The following MYO5B variants were observed in gnomAD, a reference collection of about 807,000 sequenced individuals.
The protein encoded by MYO5B is unconventional myosin-Vb.
Under a neutral mutation model 229.3 loss-of-function variants are expected in MYO5B, and 143 were observed. The observed-to-expected ratio is 0.62, with a 90% CI of 0.54 to 0.72. MYO5B has a LOEUF of 0.72. MYO5B is among the 30% of genes least tolerant of loss of function. The pLI, the probability that MYO5B is intolerant of heterozygous loss-of-function variation, is 0.00. For synonymous variants in MYO5B, 918 were observed against 885.2 expected (o/e 1.04, Z -0.66); for missense variants, 2,321 against 2,331.0 (o/e 1.00, Z 0.09).
chr18:50,099,039 G>A (rs917560843), intron 1 of MYO5B: 1 of 152,790 alleles, frequency 6.5e-6, no homozygotes, highest in Non-Finnish European at 1.5e-5. Context: ...AGAGCTGAAT[G>A]AGTCTCAGCA....
Position 50,122,596 on chromosome 18 carries a change from G to T in MYO5B, c.28-67218C>A, listed in dbSNP as rs535400081. 1.7e-3 allele frequency among the ~76,000 whole-genome samples: 129 copies of T among 74,094 alleles called. 1 individual carries two copies. Among genetic ancestry groups the T allele is most frequent in the Non-Finnish European group, 1.4e-3 (48 of 33,364 alleles). The allele number at this position is 74,094 out of a possible 152,430, so 48.6% of individuals were successfully genotyped here. A position where few individuals can be genotyped will look rare whatever the true frequency, so the allele number is the denominator to read the frequency against. On this transcript the variant is annotated intron_variant, in intron 1 of 39. Transcript: ENST00000285039. ...GGAGAGGGAGAGAGGAAGAGAGGGG[G>T]AGAGAGAGAGAAAGAGAGGGAGGGA...
chr18:49,856,956 C>A, intron 29 of MYO5B, 66 bp from the exon 30 acceptor site: 1 of 1,372,244 alleles, frequency 7.3e-7, no homozygotes. Context: ...GGCAGGGAGT[C>A]CTGGAAAGTG....
intron 2 of MYO5B, among the ~76,000 whole-genome samples, chr18:50,051,879 G>A (rs2030403149): frequency 6.6e-6 from 1 of 152,322 alleles, no homozygotes; most frequent in African/African-American, 2.4e-5. Context: ...GGAGAGAAGA[G>A]ATTGGGAAGT....
chr18:49,985,051 T>G (rs2025856584), intron 7 of MYO5B, among the ~76,000 whole-genome samples: 1 of 152,178 alleles, frequency 6.6e-6, no homozygotes, highest in African/African-American at 2.4e-5. Context: ...GCTGCTGTAT[T>G]TATGTAAAAC....
intron 22 of MYO5B, among the ~76,000 whole-genome samples, chr18:49,893,895 G>A (rs11873528): frequency 0.03 from 4,531 of 152,344 alleles, 228 homozygotes; most frequent in African/African-American, 0.1. Context: ...GGACTCCCAC[G>A]TAGGGCCAAG....
intron 1 of MYO5B, among the ~76,000 whole-genome samples, chr18:50,157,405 C>G (rs982585793): frequency 6.6e-6 from 1 of 152,182 alleles, no homozygotes; most frequent in Non-Finnish European, 1.5e-5. Flanking sequence ...ATTCTAACCA[C>G]CAAAATATCC....
chr18:49,975,316 T>A (rs2025738270), intron 9 of MYO5B, among the ~76,000 whole-genome samples: 1 of 152,162 alleles, frequency 6.6e-6, no homozygotes, highest in Non-Finnish European at 1.5e-5. Context: ...ATGGGCCAGA[T>A]CAATGATTCT....
In MYO5B at chr18:49,896,061, G is replaced by A. The variant is rs146400957; in HGVS notation, c.2812-887C>T. 3.2e-3 allele frequency among the ~76,000 whole-genome samples: 482 copies of A among 152,206 alleles called. 4 individuals carry two copies. Among genetic ancestry groups the A allele is most frequent in the African/African-American group, 9.8e-3 (405 of 41,524 alleles). On this transcript the variant is annotated intron_variant, in intron 21 of 39. Transcript: ENST00000285039. ...GAGCGCCAGGCAGAACAGAGCTAGC[G>A]GCCAAATCACCGATAAGCTGGAGCA...
intron 1 of MYO5B, among the ~76,000 whole-genome samples, chr18:50,077,502 A>AAC (rs60086500): frequency 0.098 from 13,053 of 133,432 alleles, 732 homozygotes; most frequent in East Asian, 0.17. Flanking sequence ...CACACACACA[A>AAC]ACACACACAC....
chr18:50,007,569 G>A (rs1598948329), intron 4 of MYO5B, among the ~76,000 whole-genome samples: 1 of 152,138 alleles, frequency 6.6e-6, no homozygotes, highest in East Asian at 1.9e-4. Context: ...AAGGCCCTGG[G>A]GGACCGAGCA....
At chr18:50,022,094 C>T (rs1317786734) in intron 4 of MYO5B, among the ~76,000 whole-genome samples, 1 of 151,954 alleles carries the variant, frequency 6.6e-6, no homozygotes, top group Non-Finnish European at 1.5e-5. Context: ...CCCTCCCTCC[C>T]TCCCCACCAT....
At chr18:49,929,848 T>C (rs2025170535) in intron 16 of MYO5B, among the ~76,000 whole-genome samples, 1 of 152,128 alleles carries the variant, frequency 6.6e-6, no homozygotes, top group Admixed American at 6.5e-5. Context: ...ATTCTCATTA[T>C]CACCTGGGAT....
chr18:49,994,605 G>C (rs2025967469), intron 5 of MYO5B, among the ~76,000 whole-genome samples: 1 of 152,224 alleles, frequency 6.6e-6, no homozygotes, highest in Non-Finnish European at 1.5e-5. Flanking sequence ...GACAAGGCTA[G>C]AGCCCGGCCA....
intron 4 of MYO5B, among the ~76,000 whole-genome samples, chr18:50,035,639 A>G (rs1281276522): frequency 2.0e-5 from 3 of 152,244 alleles, no homozygotes; most frequent in Admixed American, 1.3e-4. Flanking sequence ...AGAGGTACAC[A>G]TCAATGAGTT....
chr18:50,023,689 C>A (rs2026300934), intron 4 of MYO5B, among the ~76,000 whole-genome samples: 1 of 152,132 alleles, frequency 6.6e-6, no homozygotes, highest in Non-Finnish European at 1.5e-5. Context: ...GACTAAAAGA[C>A]CATTCCCAGA....
At chr18:49,873,638 G>A (rs1206666365) in intron 26 of MYO5B, among the ~76,000 whole-genome samples, 5 of 152,222 alleles carry the variant, frequency 3.3e-5, no homozygotes, top group Admixed American at 2.0e-4. Context: ...ATGTAGCATG[G>A]ATTTGCCATG....
intron 4 of MYO5B, among the ~76,000 whole-genome samples, chr18:50,004,237 G>T (rs2026077383): frequency 6.6e-6 from 1 of 152,172 alleles, no homozygotes; most frequent in East Asian, 1.9e-4. Flanking sequence ...AATTCAAAAA[G>T]AAGGAATCAA....
chr18:50,115,266 CCACAAGGTCCTCTCCCCTACTCTT>C lies in MYO5B; in HGVS notation c.28-59912_28-59889del, dbSNP rs200653943. Among the ~76,000 whole-genome samples the C allele has an allele frequency of 1.5e-4, 23 of 152,320 alleles. No individual in the cohort carries two copies. The East Asian group carries it at 4.3e-3, about 28-fold the overall frequency. On this transcript the variant is annotated intron_variant, in intron 1 of 39. Coordinates refer to ENST00000285039, the MANE Select transcript of MYO5B (RefSeq NM_001080467.3). Reference sequence around the variant, plus strand: ...AGCATGTCTTAGCTCTTCAAACACACCACAAGGTCCTCTCCCCTACTCTTCACAATACTCAGACAGCAGTGAGCC... The same window carrying C: ...AGCATGTCTTAGCTCTTCAAACACACCACAATACTCAGACAGCAGTGAGCC...
At chr18:49,879,561 C>T (rs1237302) in intron 23 of MYO5B, 129,100 of 211,252 alleles carry the variant, frequency 0.61, 39,658 homozygotes, top group Middle Eastern at 0.66. Context: ...TTCACATTAA[C>T]GGACAGAAAA....
Sources: gnomAD v4.1 joint callset for allele counts (sites outside exome capture counted in the v4.1 genomes callset) on GRCh38, gnomAD v4.1.1 for gene constraint, MANE v1.5 for transcripts, NCBI Gene and HGNC (gene_info 2026-07-23, HGNC 2026-07-21) for gene names.